The following SCHIP1 variants were observed in gnomAD, a reference collection of about 807,000 sequenced individuals.
The protein encoded by SCHIP1 is schwannomin interacting protein 1, also known as schwannomin-interacting protein 1.
In SCHIP1, 8 loss-of-function variants were observed where a neutral mutation model predicts 29.7. The ratio of observed to expected loss-of-function variants is 0.27; its 90% CI spans 0.16 to 0.49. The LOEUF (loss-of-function observed/expected upper bound fraction) is 0.49. SCHIP1 is among the 20% of genes least tolerant of loss of function. The probability of loss-of-function intolerance (pLI) is 0.99; values close to 1 mark genes in which losing one functional copy is unlikely to be tolerated. For missense variants in SCHIP1, 193 were observed against 294.6 expected (o/e 0.66, Z 2.52); for synonymous variants, 76 against 94.9 (o/e 0.80, Z 1.16).
At chr3:159,423,629 G>GCGCACAGACAA in the SCHIP1 span, among the ~76,000 whole-genome samples, 24,900 of 152,024 alleles carry the variant, frequency 0.16, 2,374 homozygotes, top group South Asian at 0.37. Context: ...TCTGGGGGCA[G>GCGCACAGACAA]CGCACAGACA....
chr3:159,414,262 G>T, the SCHIP1 span, among the ~76,000 whole-genome samples: 2 of 152,118 alleles, frequency 1.3e-5, no homozygotes, highest in African/African-American at 2.4e-5. Context: ...GAGAGAAAAT[G>T]AACTTTAATA....
the SCHIP1 span, among the ~76,000 whole-genome samples, chr3:159,540,192 G>C: frequency 6.6e-6 from 1 of 151,782 alleles, no homozygotes; most frequent in South Asian, 2.1e-4. Context: ...AGGGAAAGAG[G>C]CCCACCTTTT....
the SCHIP1 span, among the ~76,000 whole-genome samples, chr3:159,380,175 A>G: frequency 6.6e-6 from 1 of 152,102 alleles, no homozygotes. Context: ...TTTCATTGAA[A>G]AAACTTGACT....
chr3:159,848,731 T>G (rs1712178201), intron 1 of SCHIP1, among the ~76,000 whole-genome samples: 2 of 152,166 alleles, frequency 1.3e-5, no homozygotes, highest in African/African-American at 4.8e-5. Context: ...CTTACATTTC[T>G]AGAAAGCTCC....
At chr3:159,581,962 C>A in the SCHIP1 span, among the ~76,000 whole-genome samples, 1 of 151,998 alleles carries the variant, frequency 6.6e-6, no homozygotes, top group Non-Finnish European at 1.5e-5. Context: ...TTTCCCTATA[C>A]GAAATCTTCA....
the SCHIP1 span, among the ~76,000 whole-genome samples, chr3:159,672,486 T>C: frequency 6.6e-6 from 1 of 152,212 alleles, no homozygotes; most frequent in Admixed American, 6.5e-5. Context: ...AAAGCCCAGG[T>C]CAGCCACTTA....
chr3:159,666,518 A>G, the SCHIP1 span, among the ~76,000 whole-genome samples: 1 of 152,214 alleles, frequency 6.6e-6, no homozygotes, highest in African/African-American at 2.4e-5. Context: ...GTTTATAGTT[A>G]TATTTATATA....
chr3:159,342,352 T>G, the SCHIP1 span, among the ~76,000 whole-genome samples: 3 of 152,310 alleles, frequency 2.0e-5, no homozygotes, highest in East Asian at 5.8e-4. Context: ...AATTTCTAAC[T>G]CAAATATAAT....
At chr3:159,295,253 T>TAAA in the SCHIP1 span, among the ~76,000 whole-genome samples, 74 of 66,920 alleles carry the variant, frequency 1.1e-3, 2 homozygotes, top group Middle Eastern at 0.015. Flanking sequence ...CTATCTCTAC[T>TAAA]AAAAAAAAAA....
chr3:159,336,950 C>T, the SCHIP1 span, among the ~76,000 whole-genome samples: 1,634 of 152,090 alleles, frequency 0.011, 17 homozygotes, highest in South Asian at 0.032. Context: ...GCCATTTTCA[C>T]GATATTGATT....
At chr3:159,763,019 G>A in the SCHIP1 span, among the ~76,000 whole-genome samples, 24 of 152,190 alleles carry the variant, frequency 1.6e-4, no homozygotes, top group African/African-American at 5.3e-4. Flanking sequence ...TTGCCAGGCA[G>A]GAGTCCTTTC....
At chr3:159,626,163 TAG>T in the SCHIP1 span, among the ~76,000 whole-genome samples, 25 of 108,110 alleles carry the variant, frequency 2.3e-4, no homozygotes, top group African/African-American at 1.7e-3. Context: ...TATATATATC[TAG>T]ATATATCTAT....
At chr3:159,486,004 T>A in the SCHIP1 span, among the ~76,000 whole-genome samples, 1 of 152,208 alleles carries the variant, frequency 6.6e-6, no homozygotes. Flanking sequence ...CTCAAAAGTC[T>A]TATGACTTTT....
chr3:159,626,029 A>C, the SCHIP1 span, among the ~76,000 whole-genome samples: 4 of 151,062 alleles, frequency 2.6e-5, no homozygotes, highest in African/African-American at 9.8e-5. Context: ...GCTCTATACT[A>C]AACTTGTGGC....
chr3:159,487,330 C>T, the SCHIP1 span, among the ~76,000 whole-genome samples: 2 of 152,132 alleles, frequency 1.3e-5, no homozygotes, highest in African/African-American at 4.8e-5. Flanking sequence ...GGTGTCCAGG[C>T]AAACACACTC....
At chr3:159,517,069 C>A in the SCHIP1 span, among the ~76,000 whole-genome samples, 5 of 152,168 alleles carry the variant, frequency 3.3e-5, no homozygotes, top group Non-Finnish European at 5.9e-5. Context: ...GGTGGCGTAT[C>A]AGCCAGCAGG....
the SCHIP1 span, among the ~76,000 whole-genome samples, chr3:159,785,418 A>T: frequency 6.6e-6 from 1 of 152,206 alleles, no homozygotes; most frequent in African/African-American, 2.4e-5. Flanking sequence ...AAGACATGTT[A>T]TCGGGAGATG....
At chr3:159,362,315 T>A in the SCHIP1 span, among the ~76,000 whole-genome samples, 1 of 152,338 alleles carries the variant, frequency 6.6e-6, no homozygotes, top group East Asian at 1.9e-4. Context: ...CTGAAAAGGA[T>A]GGTGCAGAAT....
chr3:159,564,310 C>T, the SCHIP1 span, among the ~76,000 whole-genome samples: 11 of 152,054 alleles, frequency 7.2e-5, no homozygotes, highest in East Asian at 5.8e-4. Flanking sequence ...TGACCAGCAA[C>T]GCAGCAGCTC....
Sources: gnomAD v4.1 joint callset for allele counts (sites outside exome capture counted in the v4.1 genomes callset) on GRCh38, gnomAD v4.1.1 for gene constraint, MANE v1.5 for transcripts, NCBI Gene and HGNC (gene_info 2026-07-23, HGNC 2026-07-21) for gene names.